POLR3B: variants seen among roughly 807,000 people sequenced by gnomAD.
The protein encoded by POLR3B is DNA-directed RNA polymerase III subunit RPC2.
A neutral mutation model predicts 147.4 loss-of-function variants in POLR3B; 96 were observed. That is an observed-to-expected ratio of 0.65 (90% confidence interval 0.55 to 0.77). POLR3B has a LOEUF of 0.77. POLR3B is among the 30% of genes least tolerant of loss of function. POLR3B has a pLI of 0.00. For missense variants in POLR3B, 1,036 were observed against 1,413.5 expected (o/e 0.73, Z 4.28); for synonymous variants, 461 against 485.9 (o/e 0.95, Z 0.67).
At chr12:106,477,087 G>A (rs1186640848) in intron 23 of POLR3B, among the ~76,000 whole-genome samples, 1 of 144,998 alleles carries the variant, frequency 6.9e-6, no homozygotes, top group African/African-American at 2.7e-5. Context: ...CCTTCTAACA[G>A]ACAGGACCCT....
At chr12:106,499,836 A>G (rs1486250087) in intron 25 of POLR3B, among the ~76,000 whole-genome samples, 1 of 152,258 alleles carries the variant, frequency 6.6e-6, no homozygotes, top group Non-Finnish European at 1.5e-5. Context: ...TGAAGTCAGC[A>G]GAATGGCCTG....
At position 106,405,925 on chromosome 12, in the gene POLR3B, A is replaced by C; in HGVS notation, c.915A>C (p.Lys305Asn). ...RMWGGGPKKT[K>N]IEEARELLAS... ...GGGGAGGTGGACCAAAGAAAACCAAAATAGAAGAAGCAAGAGAGCTCCTGG... is the reference window on the plus strand; with the variant it reads ...GGGGAGGTGGACCAAAGAAAACCAACATAGAAGAAGCAAGAGAGCTCCTGG... Residue 305 changes from lysine (K) to asparagine (N), a missense_variant, in exon 11 of 28, where the codon AAA becomes AAC. Physicochemically the swap from Lys to Asn is moderately conservative, Grantham distance 94. Transcript: ENST00000228347. The C allele has an allele frequency of 1.2e-6, 2 of 1,613,900 alleles. No individual in the cohort carries two copies. Among genetic ancestry groups the C allele is most frequent in the Non-Finnish European group, 1.7e-6 (2 of 1,179,806 alleles).
At chr12:106,489,946 A>C (rs956625422) in intron 23 of POLR3B, among the ~76,000 whole-genome samples, 1 of 152,192 alleles carries the variant, frequency 6.6e-6, no homozygotes, top group African/African-American at 2.4e-5. Flanking sequence ...CATAAGGTGT[A>C]TGATGCCAAA....
Position 106,496,752 on chromosome 12 carries a change from G to C in POLR3B, c.2818G>C (p.Val940Leu). ...CACTTAATTTGTTCACATCCTGCAGGTGGGGAAGCTCATTGAGCTGCTGGC... is the reference window on the plus strand; with the variant it reads ...CACTTAATTTGTTCACATCCTGCAGCTGGGGAAGCTCATTGAGCTGCTGGC... ...NPHGFPSRMTVGKLIELLAGK... is the reference protein window; with the variant it reads ...NPHGFPSRMTLGKLIELLAGK... The change falls in exon 25 of 28, where the codon GTG (valine) becomes CTG (leucine). Residue 940 changes from valine to leucine, a missense_variant and splice_region_variant. By Grantham distance (32) the Val-to-Leu change is conservative (BLOSUM62 1). Coordinates refer to ENST00000228347, the MANE Select transcript of POLR3B (RefSeq NM_018082.6). 1 of 1,614,074 alleles carries C rather than the reference G, an allele frequency of 6.2e-7. No homozygotes were observed. Among genetic ancestry groups the C allele is most frequent in the Non-Finnish European group, 8.5e-7 (1 of 1,179,966 alleles).
At chr12:106,489,115 A>G (rs1779775878) in intron 23 of POLR3B, among the ~76,000 whole-genome samples, 1 of 152,216 alleles carries the variant, frequency 6.6e-6, no homozygotes, top group Admixed American at 6.5e-5. Context: ...AGCATCGGGC[A>G]GCAATACCAA....
At chr12:106,402,991 G>C (rs1354638193) in intron 10 of POLR3B, among the ~76,000 whole-genome samples, 2 of 151,914 alleles carry the variant, frequency 1.3e-5, no homozygotes, top group Non-Finnish European at 2.9e-5. Flanking sequence ...CTTCTGCACA[G>C]CAAAAGAAAC....
In POLR3B at chr12:106,433,663, A is replaced by C. The variant is rs2037538334; in HGVS notation, c.1628-56A>C. On this transcript the variant is annotated intron_variant, in intron 15 of 27. Coordinates refer to ENST00000228347, the MANE Select transcript of POLR3B (RefSeq NM_018082.6). Reference sequence around the variant, plus strand: ...CTATTTTTATTGGTTGGATATATTAAATCAGGTTGCATTTATTTTTTATTT... The same window carrying C: ...CTATTTTTATTGGTTGGATATATTACATCAGGTTGCATTTATTTTTTATTT... 7.0e-7 allele frequency: 1 copy of C among 1,430,620 alleles called. No individual in the cohort carries two copies. The highest frequency in any genetic ancestry group is 1.4e-5 in the African/African-American group (1 of 71,120). 88.6% of individuals were successfully genotyped at this position (1,430,620 alleles called of 1,614,324 possible). A position where few individuals can be genotyped will look rare whatever the true frequency, so the allele number is the denominator to read the frequency against.
chr12:106,459,373 G>A lies in POLR3B; in HGVS notation c.2570+5G>A, dbSNP rs2037906616. The stretch of plus-strand genomic sequence containing the variant: ...GTACAAAGATGTACCCATAACGTAT[G>A]TATTGGTTGTGCCCTGGTAATATGT... On this transcript the variant is annotated splice_donor_5th_base_variant and intron_variant, in intron 22 of 27. Coordinates refer to ENST00000228347, the MANE Select transcript of POLR3B (RefSeq NM_018082.6). The A allele has an allele frequency of 5.2e-6, 7 of 1,343,268 alleles. No homozygotes were observed. Among genetic ancestry groups the A allele is most frequent in the Non-Finnish European group, 7.5e-6 (7 of 932,694 alleles). 83.2% of individuals were successfully genotyped at this position (1,343,268 alleles called of 1,614,324 possible). A position where few individuals can be genotyped will look rare whatever the true frequency, so the allele number is the denominator to read the frequency against.
intron 19 of POLR3B, among the ~76,000 whole-genome samples, 179 bp downstream of exon 19, chr12:106,444,769 A>T (rs971640433): frequency 1.3e-5 from 2 of 152,232 alleles, no homozygotes; most frequent in East Asian, 3.8e-4. Flanking sequence ...GTGCCCTGCT[A>T]TGTCTAAATC....
chr12:106,508,707 G>A (rs980662088), intron 27 of POLR3B, among the ~76,000 whole-genome samples: 1 of 152,230 alleles, frequency 6.6e-6, no homozygotes, highest in Non-Finnish European at 1.5e-5. Context: ...AAAGTGGTTA[G>A]GAACATGGAC....
In POLR3B at chr12:106,495,347, C is replaced by CT. The variant is rs1187478597; in HGVS notation, c.2714-699dup. Among the ~76,000 whole-genome samples, 404 of 151,292 alleles carry CT rather than the reference C, an allele frequency of 2.7e-3. 7 individuals carry two copies. Among genetic ancestry groups the CT allele is most frequent in the Admixed American group, 0.023 (355 of 15,168 alleles). ...TTAGAATTCCATTTCTAATTCTAGC[C>CT]TTTTTTTTTCCAAGAACGATTTGGT... On this transcript the variant is annotated intron_variant, in intron 23 of 27. Coordinates refer to ENST00000228347, the MANE Select transcript of POLR3B (RefSeq NM_018082.6).
At chr12:106,433,598 TTAA>T in intron 15 of POLR3B, 118 bp from the exon 16 acceptor site, 1 of 751,616 alleles carries the variant, frequency 1.3e-6, no homozygotes, top group Non-Finnish European at 2.2e-6. Context: ...GCTGCAGGTG[TTAA>T]TAATGGTATT....
At chr12:106,441,380 A>C (rs2037649149) in intron 18 of POLR3B, among the ~76,000 whole-genome samples, 1 of 152,218 alleles carries the variant, frequency 6.6e-6, no homozygotes, top group African/African-American at 2.4e-5. Context: ...CACCTACTAC[A>C]CACATAGACT....
chr12:106,509,437 C>A lies in POLR3B; in HGVS notation c.3290C>A (p.Ser1097Ter). 1 of 1,613,862 alleles carries A rather than the reference C, an allele frequency of 6.2e-7. No homozygotes were observed. The highest frequency in any genetic ancestry group is 1.1e-5 in the South Asian group (1 of 91,028). The change falls in exon 28 of 28, where the codon TCA becomes TAA. Residue 1097 changes from serine (S) to a stop codon, truncating the protein, a stop_gained. Coordinates refer to ENST00000228347, the MANE Select transcript of POLR3B (RefSeq NM_018082.6). LOFTEE classifies it high-confidence loss of function. ...CGTTTCAGGTGCCATTACTGCAAGTCATCCTGCCACGTGTCTTCCCTCCGT... is the reference window on the plus strand; with the variant it reads ...CGTTTCAGGTGCCATTACTGCAAGTAATCCTGCCACGTGTCTTCCCTCCGT... ...GYSGWCHYCK[S>*]SCHVSSLRIP...
At chr12:106,430,025 G>C (rs1186054402) in intron 13 of POLR3B, among the ~76,000 whole-genome samples, 2 of 152,176 alleles carry the variant, frequency 1.3e-5, no homozygotes, top group East Asian at 3.8e-4. Flanking sequence ...GATGTGGTAA[G>C]GTTATGCGTC....
At chr12:106,455,346 G>A (rs968486958) in intron 20 of POLR3B, among the ~76,000 whole-genome samples, 1 of 152,094 alleles carries the variant, frequency 6.6e-6, no homozygotes, top group South Asian at 2.1e-4. Flanking sequence ...TACCCACTAT[G>A]CCTTCCCCTT....
At chr12:106,367,914 G>A (rs1281134124) in intron 4 of POLR3B, among the ~76,000 whole-genome samples, 1 of 152,078 alleles carries the variant, frequency 6.6e-6, no homozygotes, top group Non-Finnish European at 1.5e-5. Context: ...TTATCTAATG[G>A]TGAACCTTTA....
chr12:106,497,136 A>AT lies in POLR3B; in HGVS notation c.2984+231dup, dbSNP rs368051175. On this transcript the variant is annotated intron_variant, in intron 25 of 27. Coordinates refer to ENST00000228347, the MANE Select transcript of POLR3B (RefSeq NM_018082.6). ...AGTTTTTCATGATTTAAAAAAAAAA[A>AT]TTTTTTTTTTTTTAGCTCATCAGCT... is the stretch of plus-strand genomic sequence containing the variant. 0.12 allele frequency among the ~76,000 whole-genome samples: 12,414 copies of AT among 105,014 alleles called. 829 individuals are homozygous for AT. Among genetic ancestry groups the AT allele is most frequent in the Middle Eastern group, 0.16 (32 of 200 alleles). The allele number at this position is 105,014 out of a possible 152,430, so 68.9% of individuals were successfully genotyped here.
At chr12:106,503,248 A>C (rs1416304144) in intron 26 of POLR3B, among the ~76,000 whole-genome samples, 1 of 152,246 alleles carries the variant, frequency 6.6e-6, no homozygotes, top group Non-Finnish European at 1.5e-5. Flanking sequence ...ATTGAAACTC[A>C]ACCACAACAA....
Sources: gnomAD v4.1 joint callset for allele counts (sites outside exome capture counted in the v4.1 genomes callset) on GRCh38, gnomAD v4.1.1 for gene constraint, MANE v1.5 for transcripts, NCBI Gene and HGNC (gene_info 2026-07-23, HGNC 2026-07-21) for gene names.